MTMR7: variants seen among roughly 807,000 people sequenced by gnomAD.
MTMR7 encodes phosphatidylinositol-3-phosphate phosphatase MTMR7.
MTMR7 carries 76 observed loss-of-function variants against 81.2 expected under a neutral mutation model. The observed-to-expected ratio is 0.94, with a 90% CI of 0.78 to 1.13. MTMR7 has a LOEUF of 1.13. Ranked by LOEUF, MTMR7 falls within the 50% of genes most tolerant of loss-of-function variation. The pLI, the probability that MTMR7 is intolerant of heterozygous loss-of-function variation, is 0.00. For synonymous variants in MTMR7, 372 were observed against 289.8 expected (o/e 1.28, Z -2.88); for missense variants, 1,044 against 820.0 (o/e 1.27, Z -3.34).
intron 1 of MTMR7, among the ~76,000 whole-genome samples, chr8:17,378,896 A>C (rs1820674203): frequency 6.6e-6 from 1 of 151,836 alleles, no homozygotes; most frequent in Non-Finnish European, 1.5e-5. Context: ...AGTCTTTAGC[A>C]CATAAAAGAT....
chr8:17,377,294 C>G (rs1255739259), intron 1 of MTMR7, among the ~76,000 whole-genome samples: 1 of 152,076 alleles, frequency 6.6e-6, no homozygotes, highest in Non-Finnish European at 1.5e-5. Context: ...TTTACTAAAT[C>G]CCATTTTAAT....
At chr8:17,397,592 C>T (rs969507743) in intron 1 of MTMR7, among the ~76,000 whole-genome samples, 2 of 152,146 alleles carry the variant, frequency 1.3e-5, no homozygotes, top group Non-Finnish European at 2.9e-5. Context: ...GATGTTGACT[C>T]CAATCCTTGG....
At chr8:17,364,507 C>G (rs551450067) in intron 3 of MTMR7, among the ~76,000 whole-genome samples, 2 of 152,326 alleles carry the variant, frequency 1.3e-5, no homozygotes, top group Admixed American at 1.3e-4. Context: ...CACTGTGCAA[C>G]AGATTTCAAA....
chr8:17,366,813 G>C (rs1272038295), intron 3 of MTMR7, among the ~76,000 whole-genome samples: 1 of 149,278 alleles, frequency 6.7e-6, no homozygotes, highest in Non-Finnish European at 1.5e-5. Flanking sequence ...ATGAACCTGA[G>C]AGGTGGAGCT....
intron 4 of MTMR7, among the ~76,000 whole-genome samples, chr8:17,352,421 A>G (rs1420615621): frequency 6.6e-6 from 1 of 152,190 alleles, no homozygotes; most frequent in Non-Finnish European, 1.5e-5. Context: ...ACGATGGGTC[A>G]TATCTTGTAC....
At chr8:17,311,235 A>C (rs1817762727) in intron 9 of MTMR7, among the ~76,000 whole-genome samples, 1 of 152,198 alleles carries the variant, frequency 6.6e-6, no homozygotes, top group Non-Finnish European at 1.5e-5. Flanking sequence ...ATTGGCTTAC[A>C]AACTACCAAA....
intron 3 of MTMR7, among the ~76,000 whole-genome samples, chr8:17,366,450 G>A: frequency 6.6e-6 from 1 of 152,118 alleles, no homozygotes; most frequent in East Asian, 1.9e-4. Context: ...AGCATCAGCA[G>A]AATGGGAAGG....
intron 7 of MTMR7, among the ~76,000 whole-genome samples, chr8:17,320,019 T>C (rs1349389349): frequency 4.6e-5 from 7 of 152,196 alleles, no homozygotes; most frequent in African/African-American, 1.7e-4. Context: ...AAAGGCATGC[T>C]ACACACAAAA....
chr8:17,392,543 C>A (rs1285253277), intron 1 of MTMR7, among the ~76,000 whole-genome samples: 1 of 152,190 alleles, frequency 6.6e-6, no homozygotes, highest in African/African-American at 2.4e-5. Context: ...ACTTTCATTC[C>A]AAAAAGACTC....
chr8:17,399,772 T>A (rs1441494832), intron 1 of MTMR7, among the ~76,000 whole-genome samples: 1 of 152,096 alleles, frequency 6.6e-6, no homozygotes, highest in Non-Finnish European at 1.5e-5. Context: ...GGCAGCATTA[T>A]TCACAGTAGT....
At chr8:17,340,368 C>T (rs1453671391) in intron 6 of MTMR7, among the ~76,000 whole-genome samples, 1 of 152,252 alleles carries the variant, frequency 6.6e-6, no homozygotes, top group Non-Finnish European at 1.5e-5. Flanking sequence ...GTTCATCTTT[C>T]TCCTCAGTCA....
intron 6 of MTMR7, among the ~76,000 whole-genome samples, chr8:17,339,923 TA>T (rs1171195760): frequency 2.0e-5 from 3 of 152,244 alleles, no homozygotes; most frequent in African/African-American, 7.2e-5. Context: ...AAAACCACTG[TA>T]AACAGTGTGG....
intron 1 of MTMR7, among the ~76,000 whole-genome samples, chr8:17,407,052 C>T (rs1481480634): frequency 6.6e-6 from 1 of 151,958 alleles, no homozygotes; most frequent in African/African-American, 2.4e-5. Flanking sequence ...GGTGGTACAA[C>T]TCTGTGAATA....
intron 1 of MTMR7, among the ~76,000 whole-genome samples, chr8:17,405,643 A>G (rs1464119943): frequency 6.6e-6 from 1 of 152,190 alleles, no homozygotes; most frequent in Non-Finnish European, 1.5e-5. Flanking sequence ...ATCATCCTTG[A>G]AAAGATAGTA....
intron 5 of MTMR7, chr8:17,345,909 T>G (rs1169521105): frequency 6.6e-6 from 1 of 152,232 alleles, no homozygotes; most frequent in Non-Finnish European, 1.5e-5. Context: ...TCCTTATTCA[T>G]AAGCATAAAT....
At chr8:17,387,399 C>T (rs1469177889) in intron 1 of MTMR7, among the ~76,000 whole-genome samples, 2 of 152,202 alleles carry the variant, frequency 1.3e-5, no homozygotes, top group Admixed American at 6.5e-5. Flanking sequence ...GAAGTTTAGA[C>T]AGACCCAGGG....
chr8:17,296,971 A>AAAAG lies in MTMR7; in HGVS notation c.*2887_*2890dup, dbSNP rs1334251508. The AAAAG allele has an allele frequency of 1.3e-5, 2 of 152,198 alleles. No homozygotes were observed. Among genetic ancestry groups the AAAAG allele is most frequent in the African/African-American group, 4.8e-5 (2 of 41,456 alleles). 9.4% of individuals were successfully genotyped at this position (152,198 alleles called of 1,614,324 possible). On this transcript the variant is annotated 3_prime_UTR_variant, in exon 14 of 14. Transcript: ENST00000180173. ...AAGGTTATGTATGTCACCCACGATG[A>AAAAG]AAAGAATCTGCATTTGAATATGCCC...
chr8:17,333,111 G>C (rs2150533103), intron 6 of MTMR7, among the ~76,000 whole-genome samples: 1 of 152,294 alleles, frequency 6.6e-6, no homozygotes, highest in East Asian at 1.9e-4. Flanking sequence ...TAGCAGCCCT[G>C]CTCCATGACG....
At chr8:17,300,706 T>G (rs1297584095) in intron 13 of MTMR7, among the ~76,000 whole-genome samples, 2 of 152,204 alleles carry the variant, frequency 1.3e-5, no homozygotes, top group East Asian at 1.9e-4. Context: ...CACTACTAAT[T>G]ATAAAACACT....
Sources: allele counts gnomAD v4.1 joint callset (sites outside exome capture counted in the v4.1 genomes callset), GRCh38; gene constraint gnomAD v4.1.1; transcripts MANE v1.5; gene names NCBI Gene and HGNC (gene_info 2026-07-23, HGNC 2026-07-21).